Variants in XKR9 observed in about 807,000 individuals in gnomAD.
XKR9 encodes the protein XK related 9, also known as XK-related protein 9.
In XKR9, 32 loss-of-function variants were observed where a neutral mutation model predicts 32.0. That is an observed-to-expected ratio of 1.00 (90% CI 0.76 to 1.34). The LOEUF (loss-of-function observed/expected upper bound fraction) is 1.34, where lower values mean the gene tolerates loss of function less well. XKR9 is among the 40% of genes most tolerant of loss of function. The pLI, the probability that XKR9 is intolerant of heterozygous loss-of-function variation, is 0.00. For synonymous variants in XKR9, 168 were observed against 143.4 expected, an observed-to-expected ratio of 1.17 and a Z score of -1.22; for missense variants, 546 against 429.7, an observed-to-expected ratio of 1.27 and a Z score of -2.39.
chr8:70,930,841 A>C, the XKR9 span, among the ~76,000 whole-genome samples: 11 of 152,156 alleles, frequency 7.2e-5, no homozygotes, highest in African/African-American at 2.7e-4. Context: ...AGAGACCAGC[A>C]TGGGAGGAAT....
the XKR9 span, among the ~76,000 whole-genome samples, chr8:70,920,138 T>C: frequency 6.6e-6 from 1 of 152,346 alleles, no homozygotes. Flanking sequence ...TATAAGATTA[T>C]CTACACCTTA....
chr8:70,804,453 A>G, the XKR9 span, among the ~76,000 whole-genome samples: 1 of 152,244 alleles, frequency 6.6e-6, no homozygotes, highest in Non-Finnish European at 1.5e-5. Context: ...CTATGCCTCA[A>G]TTATTTTATG....
the XKR9 span, among the ~76,000 whole-genome samples, chr8:70,954,158 A>G: frequency 3.3e-5 from 5 of 152,118 alleles, no homozygotes; most frequent in East Asian, 1.9e-4. Context: ...TTCTGCAAAA[A>G]TGGTCCTGGG....
chr8:70,858,144 G>T, the XKR9 span, among the ~76,000 whole-genome samples: 22 of 152,144 alleles, frequency 1.4e-4, no homozygotes, highest in Non-Finnish European at 2.8e-4. Flanking sequence ...GGAAATAAAG[G>T]GTATTCAATT....
the XKR9 span, among the ~76,000 whole-genome samples, chr8:70,823,162 G>A: frequency 2.6e-5 from 4 of 152,176 alleles, no homozygotes; most frequent in East Asian, 1.9e-4. Context: ...TTAATGGTCC[G>A]GAGTTGTTGA....
At chr8:70,782,790 G>A (rs929573550) in intron 2 of XKR9, among the ~76,000 whole-genome samples, 34 of 152,038 alleles carry the variant, frequency 2.2e-4, no homozygotes, top group African/African-American at 7.0e-4. Context: ...ATCCTACTGC[G>A]TATGTAGACC....
chr8:71,038,145 C>T, the XKR9 span, among the ~76,000 whole-genome samples: 8 of 152,150 alleles, frequency 5.3e-5, no homozygotes, highest in Admixed American at 5.2e-4. Context: ...ACAAATTGAA[C>T]TTTGTCAGCT....
chr8:71,008,877 C>G, the XKR9 span, among the ~76,000 whole-genome samples: 1 of 152,156 alleles, frequency 6.6e-6, no homozygotes, highest in African/African-American at 2.4e-5. Context: ...CCATGTTGCC[C>G]AGGCCTGTCT....
chr8:70,703,956 G>T (rs1377640135), intron 3 of XKR9, among the ~76,000 whole-genome samples: 1 of 152,148 alleles, frequency 6.6e-6, no homozygotes, highest in African/African-American at 2.4e-5. Context: ...CCTGAGGTGG[G>T]TGGATCATGA....
At chr8:70,699,527 T>C (rs1256512257) in intron 3 of XKR9, among the ~76,000 whole-genome samples, 2 of 152,226 alleles carry the variant, frequency 1.3e-5, no homozygotes, top group African/African-American at 4.8e-5. Context: ...CTCTTCTGGC[T>C]TGTAGCGTTT....
the XKR9 span, among the ~76,000 whole-genome samples, chr8:71,032,188 G>T: frequency 6.7e-6 from 1 of 149,794 alleles, no homozygotes; most frequent in East Asian, 2.0e-4. Flanking sequence ...GGAGGCTGAG[G>T]CAGGAGAATT....
At chr8:70,750,560 C>A (rs1374906775) in intron 2 of XKR9, among the ~76,000 whole-genome samples, 1 of 151,996 alleles carries the variant, frequency 6.6e-6, no homozygotes, top group East Asian at 1.9e-4. Flanking sequence ...GGTAAAATAA[C>A]TTTTTTTTCA....
At chr8:70,848,128 T>G in the XKR9 span, among the ~76,000 whole-genome samples, 1 of 152,066 alleles carries the variant, frequency 6.6e-6, no homozygotes, top group Non-Finnish European at 1.5e-5. Context: ...CATGATCAAG[T>G]GGGATTCATC....
the XKR9 span, among the ~76,000 whole-genome samples, chr8:70,949,303 T>C: frequency 6.6e-6 from 1 of 152,166 alleles, no homozygotes; most frequent in South Asian, 2.1e-4. Context: ...ATTGTTCCGT[T>C]AGTTTGCCTT....
chr8:70,725,214 A>G (rs1329241345), intron 4 of XKR9, among the ~76,000 whole-genome samples: 1 of 152,144 alleles, frequency 6.6e-6, no homozygotes, highest in South Asian at 2.1e-4. Flanking sequence ...TGGGATTACA[A>G]TTCAAGATGA....
the XKR9 span, among the ~76,000 whole-genome samples, chr8:70,983,003 T>C: frequency 3.9e-5 from 6 of 152,194 alleles, no homozygotes; most frequent in Non-Finnish European, 8.8e-5. Flanking sequence ...GTGTCATCCA[T>C]TGTTGTTACA....
chr8:71,004,326 C>T, the XKR9 span, among the ~76,000 whole-genome samples: 14 of 152,192 alleles, frequency 9.2e-5, no homozygotes, highest in African/African-American at 3.4e-4. Context: ...CAGAGGGAAA[C>T]TATTAGCAGC....
the XKR9 span, among the ~76,000 whole-genome samples, chr8:70,941,244 G>A: frequency 9.9e-5 from 15 of 151,790 alleles, no homozygotes; most frequent in African/African-American, 3.1e-4. Flanking sequence ...TTGTGTCTGG[G>A]TTCTTTCACT....
the XKR9 span, among the ~76,000 whole-genome samples, chr8:70,804,705 G>A: frequency 6.6e-6 from 1 of 152,156 alleles, no homozygotes; most frequent in East Asian, 1.9e-4. Context: ...AATCTAATAT[G>A]TTTAATTGGA....
Sources: allele counts gnomAD v4.1 joint callset (sites outside exome capture counted in the v4.1 genomes callset), GRCh38; gene constraint gnomAD v4.1.1; transcripts MANE v1.5; gene names NCBI Gene and HGNC (gene_info 2026-07-23, HGNC 2026-07-21).